The following LRBA variants were observed in gnomAD, a reference collection of about 807,000 sequenced individuals.
LRBA encodes the protein LPS responsive beige-like anchor protein, also known as lipopolysaccharide-responsive and beige-like anchor protein.
In LRBA, 176 loss-of-function variants were observed where a neutral mutation model predicts 330.0. The observed-to-expected ratio is 0.53, with a 90% confidence interval of 0.47 to 0.60. The LOEUF (loss-of-function observed/expected upper bound fraction) is 0.60. LRBA is among the 20% of genes least tolerant of loss of function. LRBA has a pLI of 0.00. For synonymous variants in LRBA, 1,230 were observed against 1,193.0 expected, an observed-to-expected ratio of 1.03 and a Z score of -0.64; for missense variants, 3,259 against 3,444.8, an observed-to-expected ratio of 0.95 and a Z score of 1.35.
intron 37 of LRBA, among the ~76,000 whole-genome samples, chr4:150,676,999 T>C (rs1343091866): frequency 6.6e-6 from 1 of 152,196 alleles, no homozygotes; most frequent in Non-Finnish European, 1.5e-5. Flanking sequence ...TTATCCTTCA[T>C]AGTTTACAAC....
intron 40 of LRBA, among the ~76,000 whole-genome samples, chr4:150,585,211 A>AT (rs1337682160): frequency 6.6e-6 from 1 of 152,200 alleles, no homozygotes; most frequent in Non-Finnish European, 1.5e-5. Flanking sequence ...CCACAACAAA[A>AT]AATACAATGG....
chr4:150,468,399 GC>G (rs1362056034), intron 43 of LRBA, among the ~76,000 whole-genome samples: 1 of 151,988 alleles, frequency 6.6e-6, no homozygotes, highest in African/African-American at 2.4e-5. Context: ...CCCAAATGTG[GC>G]CACATGCTCT....
In LRBA at chr4:150,908,793, T is replaced by C; in HGVS notation, c.1226A>G (p.Tyr409Cys). The C allele has an allele frequency of 6.2e-7, 1 of 1,613,912 alleles. No individual in the cohort carries two copies. Among genetic ancestry groups the C allele is most frequent in the Non-Finnish European group, 8.5e-7 (1 of 1,179,872 alleles). The change falls in exon 10 of 57, where the codon TAC becomes TGC. Residue 409 changes from tyrosine (Y) to cysteine (C), a missense_variant. Tyr to Cys is a radical substitution (Grantham distance 194). Transcript: ENST00000651943. The part of the protein sequence containing the change: ...FLAEHHKLLL[Y>C]DGKLSSAIAF... ...AATGGCACTAGAGAGTTTCCCATCG[T>C]ACAATAAAAGTTTGTGATGCTCAGC...
chr4:150,907,965 A>G (rs967877535), intron 11 of LRBA, among the ~76,000 whole-genome samples: 5 of 152,156 alleles, frequency 3.3e-5, no homozygotes, highest in African/African-American at 1.2e-4. Context: ...TCCATAATAA[A>G]TCATTACCAA....
chr4:150,700,057 T>C (rs1472730078), intron 36 of LRBA, among the ~76,000 whole-genome samples: 1 of 152,176 alleles, frequency 6.6e-6, no homozygotes, highest in Admixed American at 6.5e-5. Context: ...ATTCAACCAG[T>C]AATATAATAC....
chr4:150,872,812 G>A, intron 17 of LRBA, 57 bp from the exon 18 acceptor site: 1 of 804,520 alleles, frequency 1.2e-6, no homozygotes, highest in Non-Finnish European at 2.0e-6. Flanking sequence ...AAATGGAAAG[G>A]TTTAAAATAT....
At chr4:150,630,954 G>C (rs1231122485) in intron 37 of LRBA, among the ~76,000 whole-genome samples, 2 of 151,950 alleles carry the variant, frequency 1.3e-5, no homozygotes, top group African/African-American at 4.8e-5. Context: ...AAACAAATTA[G>C]AAACAGTGTC....
At chr4:150,488,027 A>G (rs1320598521) in intron 41 of LRBA, among the ~76,000 whole-genome samples, 193 bp from the exon 42 acceptor site, 2 of 151,622 alleles carry the variant, frequency 1.3e-5, no homozygotes, top group Admixed American at 1.3e-4. Flanking sequence ...TCACTTATAA[A>G]TTCTTTTACC....
At chr4:150,901,459 G>A (rs1425429167) in intron 13 of LRBA, among the ~76,000 whole-genome samples, 3 of 152,136 alleles carry the variant, frequency 2.0e-5, no homozygotes, top group Non-Finnish European at 4.4e-5. Context: ...ACAACTGTAA[G>A]TATAGGATAT....
chr4:150,839,404 T>C (rs1469010786), intron 28 of LRBA, among the ~76,000 whole-genome samples: 2 of 152,204 alleles, frequency 1.3e-5, no homozygotes, highest in Non-Finnish European at 2.9e-5. Flanking sequence ...CTCAAAGGAT[T>C]ATAAATCATG....
At chr4:150,993,431 T>G (rs939048335) in intron 2 of LRBA, among the ~76,000 whole-genome samples, 3 of 152,008 alleles carry the variant, frequency 2.0e-5, no homozygotes, top group African/African-American at 7.2e-5. Context: ...TGGCTAGGCA[T>G]AGTAGGCTCA....
intron 2 of LRBA, among the ~76,000 whole-genome samples, chr4:151,006,418 C>G (rs1233910285): frequency 6.6e-6 from 1 of 151,984 alleles, no homozygotes; most frequent in African/African-American, 2.4e-5. Flanking sequence ...TAAGACATTT[C>G]CATTTAACAC....
intron 30 of LRBA, among the ~76,000 whole-genome samples, chr4:150,820,187 T>A (rs1448595433): frequency 6.6e-6 from 1 of 152,100 alleles, no homozygotes; most frequent in Admixed American, 6.6e-5. Flanking sequence ...AAATTTTAAA[T>A]AAAAACCTCA....
At chr4:150,991,855 T>G (rs1742124911) in intron 2 of LRBA, among the ~76,000 whole-genome samples, 1 of 152,208 alleles carries the variant, frequency 6.6e-6, no homozygotes, top group Non-Finnish European at 1.5e-5. Context: ...ATCTCTGCCT[T>G]CAAGCTCATG....
At chr4:150,510,487 C>T (rs1251712094) in intron 40 of LRBA, among the ~76,000 whole-genome samples, 1 of 152,190 alleles carries the variant, frequency 6.6e-6, no homozygotes, top group African/African-American at 2.4e-5. Flanking sequence ...GGATACCCTA[C>T]AAAATAAATA....
At chr4:150,638,484 A>G (rs1581885888) in intron 37 of LRBA, among the ~76,000 whole-genome samples, 1 of 152,352 alleles carries the variant, frequency 6.6e-6, no homozygotes, top group East Asian at 1.9e-4. Context: ...TTTTAACAAT[A>G]AAATGCTATT....
At chr4:150,770,571 A>T (rs1736416501) in intron 34 of LRBA, among the ~76,000 whole-genome samples, 3 of 63,304 alleles carry the variant, frequency 4.7e-5, no homozygotes, top group African/African-American at 8.1e-5. Context: ...CAAAGATTTT[A>T]TATATATATA....
intron 36 of LRBA, among the ~76,000 whole-genome samples, chr4:150,715,181 T>C (rs1431679273): frequency 1.3e-5 from 2 of 152,196 alleles, no homozygotes; most frequent in Non-Finnish European, 2.9e-5. Flanking sequence ...AGACCTCGTA[T>C]TGAAAGACCT....
At chr4:150,872,049 A>G (rs539078775) in intron 18 of LRBA, among the ~76,000 whole-genome samples, 2 of 152,228 alleles carry the variant, frequency 1.3e-5, no homozygotes, top group South Asian at 4.1e-4. Context: ...TCACAACTCA[A>G]CACTGTCCTT....
Sources: allele counts gnomAD v4.1 joint callset (sites outside exome capture counted in the v4.1 genomes callset), GRCh38; gene constraint gnomAD v4.1.1; transcripts MANE v1.5; gene names NCBI Gene and HGNC (gene_info 2026-07-23, HGNC 2026-07-21).